The following SRGAP1 variants were observed in gnomAD, a reference collection of about 807,000 sequenced individuals.
SRGAP1 encodes SLIT-ROBO Rho GTPase-activating protein 1.
In SRGAP1, 43 loss-of-function variants were observed where a neutral mutation model predicts 121.9. The ratio of observed to expected loss-of-function variants is 0.35; its 90% confidence interval spans 0.28 to 0.46. The LOEUF is 0.46. Ranked by LOEUF, SRGAP1 falls within the 20% of genes least tolerant of loss-of-function variation. SRGAP1 has a pLI of 1.00. For missense variants in SRGAP1, 1,102 were observed against 1,350.9 expected, an observed-to-expected ratio of 0.82 and a Z score of 2.89; for synonymous variants, 447 against 485.4, an observed-to-expected ratio of 0.92 and a Z score of 1.04.
rs759949708 is a variant in SRGAP1, at chr12:64,143,396, T to C, written c.*724T>C. 6.6e-6 allele frequency: 1 copy of C among 152,192 alleles called. No individual in the cohort carries two copies. Among genetic ancestry groups the C allele is most frequent in the East Asian group, 1.9e-4 (1 of 5,186 alleles). 9.4% of individuals were successfully genotyped at this position (152,192 alleles called of 1,614,324 possible). A position where few individuals can be genotyped will look rare whatever the true frequency, so the allele number is the denominator to read the frequency against. On this transcript the variant is annotated 3_prime_UTR_variant, in exon 22 of 22. Coordinates refer to ENST00000355086, the MANE Select transcript of SRGAP1 (RefSeq NM_020762.4). The stretch of plus-strand genomic sequence containing the variant: ...ATGTCACTCCTTTTGCGAGCATGAT[T>C]AGGCCCCGGAGATTTCCAAGTCCCC...
At chr12:64,071,878 CCA>C (rs1491140889) in intron 8 of SRGAP1, among the ~76,000 whole-genome samples, 3 of 148,668 alleles carry the variant, frequency 2.0e-5, no homozygotes, top group Admixed American at 6.8e-5. Flanking sequence ...TCACCCCCCC[CCA>C]AAAAAAAAAG....
chr12:63,920,728 A>G (rs1270363077), intron 1 of SRGAP1, among the ~76,000 whole-genome samples: 11 of 152,148 alleles, frequency 7.2e-5, no homozygotes, highest in African/African-American at 2.7e-4. Context: ...ACATAGTTTG[A>G]AGGTAGGCTG....
chr12:63,989,341 A>G (rs2033494968), intron 2 of SRGAP1, among the ~76,000 whole-genome samples: 1 of 152,196 alleles, frequency 6.6e-6, no homozygotes, highest in African/African-American at 2.4e-5. Flanking sequence ...GGTTCTCTTC[A>G]TGAGCCTTGA....
chr12:64,035,672 A>T (rs146529402), intron 4 of SRGAP1, among the ~76,000 whole-genome samples: 16 of 152,290 alleles, frequency 1.1e-4, no homozygotes, highest in South Asian at 6.2e-4. Flanking sequence ...GTGTCTTTGC[A>T]GTCGCCTCCA....
At chr12:64,071,997 G>C (rs962194333) in intron 8 of SRGAP1, among the ~76,000 whole-genome samples, 1 of 151,888 alleles carries the variant, frequency 6.6e-6, no homozygotes, top group Non-Finnish European at 1.5e-5. Flanking sequence ...CAAGGAGCAA[G>C]AGAAGGCCAT....
At chr12:64,071,053 G>A (rs941190856) in intron 8 of SRGAP1, among the ~76,000 whole-genome samples, 1 of 152,088 alleles carries the variant, frequency 6.6e-6, no homozygotes, top group East Asian at 1.9e-4. Context: ...ACCTTCTACT[G>A]ATGAGCTAAC....
At chr12:64,016,173 C>T (rs1399231761) in intron 3 of SRGAP1, among the ~76,000 whole-genome samples, 2 of 152,104 alleles carry the variant, frequency 1.3e-5, no homozygotes, top group Non-Finnish European at 2.9e-5. Flanking sequence ...TTGCCAGGCT[C>T]AGTGGCTTAC....
chr12:64,160,270 T>G lies in SRGAP1; in HGVS notation c.*17598T>G, dbSNP rs2037199732. The stretch of plus-strand genomic sequence containing the variant: ...CTCAGCTAGTCATGACTGACCTAGA[T>G]TTAACACAGTATATCCTTAATCAGC... On this transcript the variant is annotated 3_prime_UTR_variant, in exon 22 of 22. Coordinates refer to ENST00000355086, the MANE Select transcript of SRGAP1 (RefSeq NM_020762.4). 6.6e-6 allele frequency: 1 copy of G among 152,226 alleles called. No individual in the cohort carries two copies. The allele number at this position is 152,226 out of a possible 1,614,324, so 9.4% of individuals were successfully genotyped here. A position where few individuals can be genotyped will look rare whatever the true frequency, so the allele number is the denominator to read the frequency against.
At position 63,988,040 on chromosome 12, in the gene SRGAP1, A is replaced by G. The variant is rs560110608; in HGVS notation, c.264-1870A>G. Among the ~76,000 whole-genome samples the G allele has an allele frequency of 6.6e-5, 10 of 152,322 alleles. No homozygotes were observed. The South Asian group carries it at 2.1e-3, about 32-fold the overall frequency. On this transcript the variant is annotated intron_variant, in intron 2 of 21. Coordinates refer to ENST00000355086, the MANE Select transcript of SRGAP1 (RefSeq NM_020762.4). The stretch of plus-strand genomic sequence containing the variant: ...AAGGGGTAGTCCTGCATGTGAACCT[A>G]GACAGTGCAGCTCCAGAGGCCATGA...
At chr12:64,042,699 A>G (rs1216761441) in intron 4 of SRGAP1, 91 bp from the exon 5 acceptor site, 2 of 910,536 alleles carry the variant, frequency 2.2e-6, no homozygotes, top group Non-Finnish European at 3.4e-6. Context: ...GGAAGGTGGT[A>G]TGTGTATCAT....
intron 1 of SRGAP1, among the ~76,000 whole-genome samples, chr12:63,979,427 T>C (rs533580205): frequency 6.6e-6 from 1 of 152,266 alleles, no homozygotes; most frequent in Non-Finnish European, 1.5e-5. Flanking sequence ...ATCAGACATA[T>C]GATTTGTGAA....
rs1158147462 is a variant in SRGAP1, at chr12:63,844,766, G to T, written c.-51G>T. The T allele has an allele frequency of 6.3e-7, 1 of 1,583,936 alleles. No homozygotes were observed. Among genetic ancestry groups the T allele is most frequent in the Non-Finnish European group, 8.7e-7 (1 of 1,152,682 alleles). ...TGCCTCTCCAAGGAGAACGGGTTGT[G>T]ACCACTGAACAAAACTTGCCCATTG... is the stretch of plus-strand genomic sequence containing the variant. On this transcript the variant is annotated 5_prime_UTR_variant, in exon 1 of 22. Transcript: ENST00000355086. This position sits in a 1 kb window ranked among gnomAD's most constrained non-coding sequence, Gnocchi z 4.3.
chr12:64,136,027 C>T (rs1167526310), intron 21 of SRGAP1, among the ~76,000 whole-genome samples: 2 of 152,176 alleles, frequency 1.3e-5, no homozygotes, highest in Non-Finnish European at 2.9e-5. Flanking sequence ...CCAGTCTAAC[C>T]TTTTCACGTT....
chr12:64,069,968 C>T (rs1160536324), intron 8 of SRGAP1, among the ~76,000 whole-genome samples: 1 of 152,192 alleles, frequency 6.6e-6, no homozygotes, highest in Admixed American at 6.5e-5. Flanking sequence ...AACTCCTGGG[C>T]TCAAGCAATC....
chr12:63,857,518 A>G (rs187017974), intron 1 of SRGAP1, among the ~76,000 whole-genome samples: 2 of 151,860 alleles, frequency 1.3e-5, no homozygotes, highest in African/African-American at 4.8e-5. Flanking sequence ...AGTAGCTGGT[A>G]TTACAGGTGT....
rs1215902698 is a variant in SRGAP1 at position 63,922,845 on chromosome 12, A to G, written c.68-61102A>G. Among the ~76,000 whole-genome samples, 4 of 152,354 alleles carry G rather than the reference A, an allele frequency of 2.6e-5. No homozygotes were observed. The East Asian group carries it at 7.7e-4, about 29-fold the overall frequency. ...TGCAGAAGGACTCAGTCAATGCTTA[A>G]TGAATGAAAGATCCAACTTGTGGTC... is the stretch of plus-strand genomic sequence containing the variant. On this transcript the variant is annotated intron_variant, in intron 1 of 21. Transcript: ENST00000355086.
intron 8 of SRGAP1, among the ~76,000 whole-genome samples, chr12:64,077,385 G>A (rs555909575): frequency 1.3e-5 from 2 of 151,544 alleles, no homozygotes; most frequent in African/African-American, 2.4e-5. Flanking sequence ...ATAAGCACTC[G>A]ACATCAAAGA....
At chr12:63,986,282 A>G (rs1179501155) in intron 2 of SRGAP1, among the ~76,000 whole-genome samples, 11 of 152,068 alleles carry the variant, frequency 7.2e-5, no homozygotes, top group Admixed American at 7.2e-4. Context: ...GATGATCCCC[A>G]GGGTGAACAA....
chr12:64,033,951 AG>A (rs909790915), intron 4 of SRGAP1, among the ~76,000 whole-genome samples: 8 of 152,016 alleles, frequency 5.3e-5, no homozygotes, highest in Admixed American at 2.6e-4. Context: ...ACCCGGTGTG[AG>A]GGGGTAGTGG....
Sources: gnomAD v4.1 joint callset for allele counts (sites outside exome capture counted in the v4.1 genomes callset) on GRCh38, gnomAD v4.1.1 for gene constraint, Gnocchi (gnomAD v3.1) non-coding constraint, MANE v1.5 for transcripts, NCBI Gene and HGNC (gene_info 2026-07-23, HGNC 2026-07-21) for gene names.